The following TDRD5 variants were observed in gnomAD, a reference collection of about 807,000 sequenced individuals.
TDRD5 encodes the protein tudor domain-containing protein 5.
In TDRD5, 41 loss-of-function variants were observed where a neutral mutation model predicts 120.6. The observed-to-expected ratio is 0.34, with a 90% CI of 0.26 to 0.44. The LOEUF (loss-of-function observed/expected upper bound fraction) is 0.44. TDRD5 is among the 20% of genes least tolerant of loss of function. The pLI is 1.00. For missense variants in TDRD5, 1,006 were observed against 1,221.2 expected, an observed-to-expected ratio of 0.82 and a Z score of 2.63; for synonymous variants, 430 against 433.7, an observed-to-expected ratio of 0.99 and a Z score of 0.11.
intron 6 of TDRD5, among the ~76,000 whole-genome samples, chr1:179,625,904 G>A (rs1019330242): frequency 8.5e-5 from 13 of 152,080 alleles, no homozygotes; most frequent in African/African-American, 3.1e-4. Context: ...ATGAGTTCAT[G>A]TCCTTTGTAG....
chr1:179,623,039 A>G (rs1409529257), intron 6 of TDRD5, among the ~76,000 whole-genome samples: 1 of 152,214 alleles, frequency 6.6e-6, no homozygotes, highest in Non-Finnish European at 1.5e-5. Flanking sequence ...AGTGATACAA[A>G]TGATGGCTGA....
intron 11 of TDRD5, among the ~76,000 whole-genome samples, chr1:179,640,721 AAGGAAGATT>A (rs1677999012): frequency 6.6e-6 from 1 of 152,140 alleles, no homozygotes; most frequent in South Asian, 2.1e-4. Context: ...TGGCACTTTG[AAGGAAGATT>A]AGGAAGATGA....
chr1:179,664,834 G>A (rs1011504506), intron 16 of TDRD5, among the ~76,000 whole-genome samples: 1 of 152,066 alleles, frequency 6.6e-6, no homozygotes, highest in Non-Finnish European at 1.5e-5. Context: ...TTTCTGGATC[G>A]TATGGTAATT....
intron 9 of TDRD5, 105 bp from the exon 10 acceptor site, chr1:179,639,734 C>G: frequency 8.4e-7 from 1 of 1,196,404 alleles, no homozygotes; most frequent in Non-Finnish European, 1.2e-6. Flanking sequence ...AGTCAATTTT[C>G]TTTTCTTTGC....
chr1:179,628,897 T>G (rs1169069308), intron 6 of TDRD5, among the ~76,000 whole-genome samples: 1 of 151,296 alleles, frequency 6.6e-6, no homozygotes, highest in Non-Finnish European at 1.5e-5. Flanking sequence ...TCCAGGGAAG[T>G]GATTGCTAGG....
At chr1:179,665,527 C>T (rs1679513706) in intron 16 of TDRD5, among the ~76,000 whole-genome samples, 2 of 152,104 alleles carry the variant, frequency 1.3e-5, no homozygotes, top group South Asian at 4.1e-4. Context: ...TCTTGGCATC[C>T]TTATTGAAAA....
At chr1:179,652,754 A>G (rs961601078) in intron 13 of TDRD5, among the ~76,000 whole-genome samples, 2 of 152,136 alleles carry the variant, frequency 1.3e-5, no homozygotes, top group Non-Finnish European at 2.9e-5. Flanking sequence ...CAAATCCAAA[A>G]CCTGAAATGC....
chr1:179,634,508 G>A lies in TDRD5; in HGVS notation c.1178G>A (p.Arg393Lys), dbSNP rs1338875656. 1.9e-6 allele frequency: 3 copies of A among 1,611,924 alleles called. No homozygotes were observed. The highest frequency in any genetic ancestry group is 1.7e-6 in the Non-Finnish European group (2 of 1,179,644). ...AAAGCTTGTGTCTCCAGTCCACCTA[G>A]AAATTCATTGTCTACTGCTGCTGTC... ...EAKACVSSPP[R>K]NSLSTAAVKE... The change falls in exon 8 of 18, where the codon AGA becomes AAA. Residue 393 changes from arginine to lysine, a missense_variant. Arg to Lys is a conservative substitution (Grantham distance 26). This residue lies in a region of TDRD5 where 445 missense variants were observed against 515.5 expected (regional missense o/e 0.86). Transcript: ENST00000444136.
At chr1:179,607,043 A>G (rs1350610297) in intron 4 of TDRD5, among the ~76,000 whole-genome samples, 1 of 152,108 alleles carries the variant, frequency 6.6e-6, no homozygotes, top group Non-Finnish European at 1.5e-5. Context: ...TAACATCTGG[A>G]CAATATTGAG....
At chr1:179,598,562 T>C (rs1249583183) in intron 4 of TDRD5, among the ~76,000 whole-genome samples, 2 of 152,220 alleles carry the variant, frequency 1.3e-5, no homozygotes, top group African/African-American at 4.8e-5. Context: ...TAGTTTTCAA[T>C]GCATAAAGCT....
rs151137310 is a variant in TDRD5 at position 179,604,337 on chromosome 1, T to G, written c.831+8519T>G. On this transcript the variant is annotated intron_variant, in intron 4 of 17. Transcript: ENST00000444136. Reference sequence around the variant, plus strand: ...CTTTTCAAAGAACCAGCTTTTTGCTTCATGTATCTTTTGTATTTTTTTGTT... The same window carrying G: ...CTTTTCAAAGAACCAGCTTTTTGCTGCATGTATCTTTTGTATTTTTTTGTT... 5.8e-3 allele frequency among the ~76,000 whole-genome samples: 883 copies of G among 152,252 alleles called. 14 individuals are homozygous for G. In the East Asian group the frequency reaches 0.065, roughly 11 times the overall value.
intron 4 of TDRD5, among the ~76,000 whole-genome samples, chr1:179,596,323 A>G (rs1159665336): frequency 2.0e-5 from 3 of 152,258 alleles, no homozygotes; most frequent in African/African-American, 4.8e-5. Flanking sequence ...CCTGATTTCT[A>G]CTAAAATTAG....
chr1:179,633,124 C>A (rs2102006875), intron 7 of TDRD5, among the ~76,000 whole-genome samples: 1 of 152,278 alleles, frequency 6.6e-6, no homozygotes, highest in East Asian at 1.9e-4. Context: ...ATTTCTTACA[C>A]TTCATATACT....
chr1:179,690,479 T>A (rs1681082499), intron 17 of TDRD5, among the ~76,000 whole-genome samples: 1 of 152,252 alleles, frequency 6.6e-6, no homozygotes, highest in African/African-American at 2.4e-5. Flanking sequence ...ACCTTCATCC[T>A]GACAAGATTT....
chr1:179,628,649 G>A (rs12049518), intron 6 of TDRD5, among the ~76,000 whole-genome samples: 1 of 151,858 alleles, frequency 6.6e-6, no homozygotes, highest in Non-Finnish European at 1.5e-5. Flanking sequence ...CAATAAAGCA[G>A]AAAGCATAAC....
At chr1:179,651,210 G>A (rs974611484) in intron 12 of TDRD5, 143 bp downstream of exon 12, 1 of 867,998 alleles carries the variant, frequency 1.2e-6, no homozygotes, top group Non-Finnish European at 1.7e-6. Context: ...TTTTAATGCA[G>A]AGCACTCTTA....
At chr1:179,628,324 C>CTTTTTTTTTT (rs71569258) in intron 6 of TDRD5, among the ~76,000 whole-genome samples, 74 of 54,556 alleles carry the variant, frequency 1.4e-3, no homozygotes, top group Non-Finnish European at 2.0e-3. Flanking sequence ...CTTTTCTTTT[C>CTTTTTTTTTT]TTTTTTTTTT....
chr1:179,645,923 A>G (rs959338631), intron 11 of TDRD5, among the ~76,000 whole-genome samples: 4 of 152,048 alleles, frequency 2.6e-5, no homozygotes, highest in Non-Finnish European at 5.9e-5. Context: ...TGTGTTTTTA[A>G]ACTGTCATTC....
At chr1:179,600,649 T>C (rs1458533422) in intron 4 of TDRD5, among the ~76,000 whole-genome samples, 1 of 152,236 alleles carries the variant, frequency 6.6e-6, no homozygotes, top group Admixed American at 6.5e-5. Flanking sequence ...ATTTCTGTTC[T>C]CATTGTTTTG....
Sources: allele counts gnomAD v4.1 joint callset (sites outside exome capture counted in the v4.1 genomes callset), GRCh38; gene constraint gnomAD v4.1.1; regional missense constraint gnomAD v4.1.1; transcripts MANE v1.5; gene names NCBI Gene and HGNC (gene_info 2026-07-23, HGNC 2026-07-21).